The following MRE11 variants were observed in gnomAD, a reference collection of about 807,000 sequenced individuals.
The protein encoded by MRE11 is MRE11 double strand break repair nuclease, also known as double-strand break repair protein MRE11.
In MRE11, 62 loss-of-function variants were observed where a neutral mutation model predicts 91.7. That is an observed-to-expected ratio of 0.68 (90% CI 0.55 to 0.84). The LOEUF (loss-of-function observed/expected upper bound fraction) is 0.84, where lower values mean the gene tolerates loss of function less well. Ranked by LOEUF, MRE11 falls within the 40% of genes least tolerant of loss-of-function variation. The pLI is 0.00. For synonymous variants in MRE11, 273 were observed against 271.4 expected, an observed-to-expected ratio of 1.01 and a Z score of -0.06; for missense variants, 796 against 852.9, an observed-to-expected ratio of 0.93 and a Z score of 0.83.
In MRE11 at chr11:94,419,701, A is replaced by G. The variant is rs1333908869; in HGVS notation, c.*424T>C. Reference sequence around the variant, plus strand: ...AGAAGCATTGGAAAAAAACATACATAGTAACAAACAGTGAATTTAGACATA... The same window carrying G: ...AGAAGCATTGGAAAAAAACATACATGGTAACAAACAGTGAATTTAGACATA... On this transcript the variant is annotated 3_prime_UTR_variant, in exon 20 of 20. Transcript: ENST00000323929. 4.2e-6 allele frequency: 1 copy of G among 238,018 alleles called. No homozygotes were observed. The highest frequency in any genetic ancestry group is 6.0e-5 in the East Asian group (1 of 16,746). The allele number at this position is 238,018 out of a possible 1,614,324, so 14.7% of individuals were successfully genotyped here.
chr11:94,500,513 C>T, the MRE11 span, among the ~76,000 whole-genome samples: 22 of 152,266 alleles, frequency 1.4e-4, no homozygotes, highest in African/African-American at 4.1e-4. Context: ...GGCTAAATAG[C>T]TCAGTTTACA....
chr11:94,466,123 G>C (rs1355740353), intron 10 of MRE11, among the ~76,000 whole-genome samples: 1 of 152,112 alleles, frequency 6.6e-6, no homozygotes, highest in Non-Finnish European at 1.5e-5. Flanking sequence ...GATCAACATG[G>C]ACAAAGGTTC....
At chr11:94,485,429 T>G (rs1470077289) in intron 4 of MRE11, among the ~76,000 whole-genome samples, 1 of 152,134 alleles carries the variant, frequency 6.6e-6, no homozygotes, top group Non-Finnish European at 1.5e-5. Context: ...AAGCCATTGA[T>G]TGGGAAAAAA....
intron 14 of MRE11, among the ~76,000 whole-genome samples, chr11:94,449,933 T>C (rs1355814461): frequency 6.6e-6 from 1 of 152,244 alleles, no homozygotes; most frequent in African/African-American, 2.4e-5. Context: ...ATGTTGTATG[T>C]GGCACATGAC....
In MRE11 at chr11:94,459,411, C is replaced by T. The variant is rs786203873; in HGVS notation, c.1497G>A (p.Glu499=). 1 of 1,613,740 alleles carries T rather than the reference C, an allele frequency of 6.2e-7. No homozygotes were observed. The highest frequency in any genetic ancestry group is 8.5e-7 in the Non-Finnish European group (1 of 1,179,856). Residue 499 remains glutamate, a synonymous_variant, in exon 13 of 20, where the codon GAG becomes GAA. Coordinates refer to ENST00000323929, the MANE Select transcript of MRE11 (RefSeq NM_005591.4). ...HIDALEDKID[E]EVRRFRETRQ... ...GACACTCAAATTAGTTACTTACCTC[C>T]TCATCGATTTTGTCTTCGAGGGCAT...
chr11:94,428,897 T>G (rs1449027265), intron 19 of MRE11, among the ~76,000 whole-genome samples: 1 of 148,204 alleles, frequency 6.7e-6, no homozygotes, highest in Admixed American at 6.7e-5. Context: ...ATCAACAGAG[T>G]AAACAAAAAG....
At chr11:94,473,321 T>C (rs1438646108) in intron 7 of MRE11, 2 of 152,132 alleles carry the variant, frequency 1.3e-5, no homozygotes, top group African/African-American at 2.4e-5. Flanking sequence ...TGTGCCTTCA[T>C]TGAGTGCTGG....
rs142082313 is a variant in MRE11 at position 94,447,214 on chromosome 11, C to G, written c.1783+5G>C. On this transcript the variant is annotated splice_donor_5th_base_variant and intron_variant, in intron 15 of 19. Transcript: ENST00000323929. ...AATGTGCACAGGACTGAACTCAGTG[C>G]TCACCTCTTCCTCTTTGAGACCCTC... 750 of 1,611,416 alleles carry G rather than the reference C, an allele frequency of 4.7e-4. 5 individuals are homozygous for G. In the African/African-American group the frequency reaches 8.9e-3, roughly 19 times the overall value.
intron 14 of MRE11, among the ~76,000 whole-genome samples, chr11:94,451,385 T>C (rs1946101204): frequency 6.6e-6 from 1 of 152,168 alleles, no homozygotes; most frequent in African/African-American, 2.4e-5. Flanking sequence ...TCAGAAAGTT[T>C]CGTAGGTAAA....
chr11:94,435,778 G>A (rs1945589833), intron 18 of MRE11, 54 bp downstream of exon 18: 1 of 1,464,216 alleles, frequency 6.8e-7, no homozygotes, highest in Non-Finnish European at 9.6e-7. Flanking sequence ...TGGAATTCTG[G>A]ATAATTTTTA....
At chr11:94,426,791 T>A (rs750881212) in intron 19 of MRE11, among the ~76,000 whole-genome samples, 2 of 152,056 alleles carry the variant, frequency 1.3e-5, no homozygotes, top group African/African-American at 2.4e-5. Flanking sequence ...TCACACACAT[T>A]AGAAAATCTA....
rs775666563 is a variant in MRE11 at position 94,471,625 on chromosome 11, T to C, written c.794A>G (p.Gln265Arg). The C allele has an allele frequency of 1.2e-6, 2 of 1,612,864 alleles. No individual in the cohort carries two copies. The highest frequency in any genetic ancestry group is 1.7e-6 in the Non-Finnish European group (2 of 1,179,122). ...AGAAGTAACCACTGAGCTTCCAGGT[T>C]GTGAGATATAAAACAGCTGTTGTTC... ...KNEQQLFYIS[Q>R]PGSSVVTSLS... The change falls in exon 8 of 20, where the codon CAA (glutamine) becomes CGA (arginine). Residue 265 changes from glutamine to arginine, a missense_variant. Coordinates refer to ENST00000323929, the MANE Select transcript of MRE11 (RefSeq NM_005591.4).
At chr11:94,424,617 T>C (rs1945260197) in intron 19 of MRE11, among the ~76,000 whole-genome samples, 1 of 152,110 alleles carries the variant, frequency 6.6e-6, no homozygotes, top group Non-Finnish European at 1.5e-5. Flanking sequence ...TAAAACAATT[T>C]TACAAAGGTA....
intron 19 of MRE11, among the ~76,000 whole-genome samples, chr11:94,427,344 C>T (rs1243107657): frequency 2.6e-5 from 4 of 152,068 alleles, no homozygotes; most frequent in Non-Finnish European, 5.9e-5. Context: ...AATCCAACAT[C>T]CCTTCATGAT....
chr11:94,485,856 T>C, intron 4 of MRE11, 68 bp downstream of exon 4: 1 of 1,466,212 alleles, frequency 6.8e-7, no homozygotes, highest in Non-Finnish European at 9.5e-7. Context: ...CAGTTGTGTG[T>C]TTACGTGTCT....
chr11:94,451,840 C>T (rs1946114152), intron 14 of MRE11, among the ~76,000 whole-genome samples: 1 of 151,918 alleles, frequency 6.6e-6, no homozygotes, highest in African/African-American at 2.4e-5. Flanking sequence ...GTGTATATAT[C>T]CAGAGAGAGA....
chr11:94,449,586 A>G (rs559548893), intron 14 of MRE11, among the ~76,000 whole-genome samples: 1 of 152,322 alleles, frequency 6.6e-6, no homozygotes, highest in South Asian at 2.1e-4. Context: ...TGTACTTTAA[A>G]GTGTCCTTTC....
chr11:94,428,955 T>C (rs557020195), intron 19 of MRE11, among the ~76,000 whole-genome samples: 54 of 150,918 alleles, frequency 3.6e-4, no homozygotes, highest in African/African-American at 1.3e-3. Context: ...CCAACAAAGG[T>C]CTAATATCAA....
chr11:94,477,906 A>T (rs1445120238), intron 6 of MRE11, among the ~76,000 whole-genome samples: 3 of 152,188 alleles, frequency 2.0e-5, no homozygotes, highest in African/African-American at 7.2e-5. Flanking sequence ...ACTGCATGGG[A>T]CACAGGAACC....
Sources: allele counts gnomAD v4.1 joint callset (sites outside exome capture counted in the v4.1 genomes callset), GRCh38; gene constraint gnomAD v4.1.1; transcripts MANE v1.5; gene names NCBI Gene and HGNC (gene_info 2026-07-23, HGNC 2026-07-21).